WNK1: variants seen among roughly 807,000 people sequenced by gnomAD.
The protein encoded by WNK1 is WNK lysine deficient protein kinase 1, also known as serine/threonine-protein kinase WNK1.
Under a neutral mutation model 222.8 loss-of-function variants are expected in WNK1, and 38 were observed. The ratio of observed to expected loss-of-function variants is 0.17; its 90% CI spans 0.13 to 0.22. The LOEUF is 0.22. Ranked by LOEUF, WNK1 falls within the 10% of genes least tolerant of loss-of-function variation. The probability of loss-of-function intolerance (pLI) is 1.00; values close to 1 mark genes in which losing one functional copy is unlikely to be tolerated. For missense variants in WNK1, 2,348 were observed against 2,918.4 expected, an observed-to-expected ratio of 0.80 and a Z score of 4.50; for synonymous variants, 1,090 against 1,092.9, an observed-to-expected ratio of 1.00 and a Z score of 0.05.
At chr12:775,615 G>A (rs1009606870) in intron 1 of WNK1, among the ~76,000 whole-genome samples, 4 of 152,140 alleles carry the variant, frequency 2.6e-5, no homozygotes, top group African/African-American at 9.7e-5. Flanking sequence ...GTTCAAGGCT[G>A]CAGTGAGCTA....
At chr12:801,875 T>C (rs1945913339) in intron 1 of WNK1, among the ~76,000 whole-genome samples, 1 of 152,214 alleles carries the variant, frequency 6.6e-6, no homozygotes, top group Admixed American at 6.5e-5. Flanking sequence ...TTTCAATTTG[T>C]ACAATGTGTA....
Position 890,476 on chromosome 12 carries a change from A to G in WNK1, c.5472A>G (p.Thr1824=), listed in dbSNP as rs772616229. The change falls in exon 22 of 28, where the codon ACA becomes ACG. Residue 1824 remains threonine (T), a synonymous_variant. Coordinates refer to ENST00000315939, the MANE Select transcript of WNK1 (RefSeq NM_018979.4). ...AVGPVSMAAP[T]AITEAGTQPQ... is the part of the protein sequence containing the mutation. ...AGCCTGTGTCCATGGCGGCTCCAAC[A>G]GCAATCACAGAAGCAGGAACACAGC... 2 of 1,614,166 alleles carry G rather than the reference A, an allele frequency of 1.2e-6. No individual in the cohort carries two copies. The highest frequency in any genetic ancestry group is 2.2e-5 in the South Asian group (2 of 91,080).
chr12:885,260 G>A lies in WNK1; in HGVS notation c.4456G>A (p.Gly1486Arg). Reference sequence around the variant, plus strand: ...GCAGGCAGCAGGCAGCACTACTGTGGGAGCCACATTAACATCAGTTTCTAC... The same window carrying A: ...GCAGGCAGCAGGCAGCACTACTGTGAGAGCCACATTAACATCAGTTTCTAC... ...SQQAAGSTTV[G>R]ATLTSVSTTT... is the part of the protein sequence containing the mutation. The change falls in exon 19 of 28, where the codon GGA (glycine) becomes AGA (arginine). Residue 1486 changes from glycine to arginine, a missense_variant. Physicochemically the swap from Gly to Arg is moderately radical, Grantham distance 125. Around this residue, in one of 13 missense-constraint regions of WNK1, gnomAD observed 1,144 missense variants for 1,273.6 expected, o/e 0.90. Transcript: ENST00000315939. The A allele has an allele frequency of 6.2e-7, 1 of 1,614,156 alleles. No homozygotes were observed. Among genetic ancestry groups the A allele is most frequent in the South Asian group, 1.1e-5 (1 of 91,086 alleles).
chr12:806,877 G>C (rs753685388), intron 1 of WNK1, among the ~76,000 whole-genome samples: 4 of 152,280 alleles, frequency 2.6e-5, no homozygotes, highest in Non-Finnish European at 5.9e-5. Flanking sequence ...ATATTTTTAT[G>C]TACATGCTCA....
chr12:907,732 A>G, intron 26 of WNK1, 115 bp from the exon 27 acceptor site: 1 of 1,254,418 alleles, frequency 8.0e-7, no homozygotes, highest in Non-Finnish European at 1.2e-6. Context: ...ATGGCTTCCC[A>G]GTTCATCCTC....
chr12:757,359 C>CG (rs148630280), intron 1 of WNK1, among the ~76,000 whole-genome samples: 81,218 of 125,216 alleles, frequency 0.65, 26,702 homozygotes, highest in East Asian at 0.88. Flanking sequence ...CGGAGTCTTG[C>CG]TCTATCTCCA....
At chr12:790,704 C>A (rs1403423410) in intron 1 of WNK1, among the ~76,000 whole-genome samples, 2 of 152,202 alleles carry the variant, frequency 1.3e-5, no homozygotes, top group African/African-American at 4.8e-5. Context: ...TTTAAAAAGA[C>A]AATCTTTTGA....
chr12:880,584 T>C, intron 11 of WNK1, 137 bp from the exon 12 acceptor site: 2 of 989,922 alleles, frequency 2.0e-6, no homozygotes, highest in Non-Finnish European at 3.1e-6. Context: ...TTATATGCCC[T>C]TTAGATTATT....
intron 1 of WNK1, among the ~76,000 whole-genome samples, chr12:791,225 CCACACACACACACA>C (rs141810227): frequency 1.4e-5 from 2 of 145,188 alleles, no homozygotes; most frequent in Non-Finnish European, 1.5e-5. Flanking sequence ...ATTTCTCTCA[CCACACACACACACA>C]CACACACACA....
chr12:797,282 G>A lies in WNK1; in HGVS notation c.760-16360G>A, dbSNP rs535828813. Reference sequence around the variant, plus strand: ...TTTAAGGCTGTAGCTATAATTGTTGGATGGATATTGTGTTCAATAAAGATT... The same window carrying A: ...TTTAAGGCTGTAGCTATAATTGTTGAATGGATATTGTGTTCAATAAAGATT... On this transcript the variant is annotated intron_variant, in intron 1 of 27. Coordinates refer to ENST00000315939, the MANE Select transcript of WNK1 (RefSeq NM_018979.4). 9.9e-5 allele frequency among the ~76,000 whole-genome samples: 15 copies of A among 152,206 alleles called. No homozygotes were observed. The South Asian group carries it at 2.9e-3, about 29-fold the overall frequency.
rs1024425675 is a variant in WNK1 at position 827,225 on chromosome 12, A to G, written c.1116A>G (p.Ala372=). The G allele has an allele frequency of 6.8e-6, 11 of 1,614,110 alleles. No homozygotes were observed. Among genetic ancestry groups the G allele is most frequent in the Non-Finnish European group, 9.3e-6 (11 of 1,180,040 alleles). Residue 372 remains alanine (A), a synonymous_variant, in exon 3 of 28, where the codon GCA becomes GCG. Transcript: ENST00000315939. This position sits in a 1 kb window ranked among gnomAD's most constrained non-coding sequence, Gnocchi z 4.6. ...TCAAGATTGGAGACCTCGGTCTGGC[A>G]ACCCTGAAGCGGGCTTCTTTTGCCA... ...GSVKIGDLGL[A]TLKRASFAKS...
intron 4 of WNK1, among the ~76,000 whole-genome samples, chr12:840,446 T>A (rs112368740): frequency 6.6e-6 from 1 of 152,044 alleles, no homozygotes; most frequent in Non-Finnish European, 1.5e-5. Flanking sequence ...TTATATTTTT[T>A]AATGTTTGGG....
At chr12:777,023 T>G (rs1272308338) in intron 1 of WNK1, among the ~76,000 whole-genome samples, 1 of 152,192 alleles carries the variant, frequency 6.6e-6, no homozygotes, top group Non-Finnish European at 1.5e-5. Context: ...ATTGTTACTA[T>G]TCTGTGATTT....
At chr12:765,904 A>C (rs1251821556) in intron 1 of WNK1, among the ~76,000 whole-genome samples, 2 of 152,242 alleles carry the variant, frequency 1.3e-5, no homozygotes, top group South Asian at 2.1e-4. Context: ...TCTATTAATA[A>C]AGAAAAAATA....
chr12:858,755 T>C (rs1290705911), intron 5 of WNK1, among the ~76,000 whole-genome samples: 1 of 152,146 alleles, frequency 6.6e-6, no homozygotes, highest in African/African-American at 2.4e-5. Flanking sequence ...GGCCTCCATT[T>C]CCTAATAATC....
At position 827,374 on chromosome 12, in the gene WNK1, T is replaced by C; in HGVS notation, c.1153+112T>C. 3 of 933,760 alleles carry C rather than the reference T, an allele frequency of 3.2e-6. No homozygotes were observed. The South Asian group carries it at 4.1e-5, about 13-fold the overall frequency. 57.8% of individuals were successfully genotyped at this position (933,760 alleles called of 1,614,324 possible). On this transcript the variant is annotated intron_variant, in intron 3 of 27. Coordinates refer to ENST00000315939, the MANE Select transcript of WNK1 (RefSeq NM_018979.4). The surrounding 1 kb of genome is among the most constrained non-coding windows in gnomAD (Gnocchi z 4.6). ...TATAAACCTTAAGAAATTCATAGCT[T>C]GAACTCAGGAGGTGATCCATTGTAC...
intron 1 of WNK1, among the ~76,000 whole-genome samples, chr12:802,544 A>G (rs1447502654): frequency 6.6e-6 from 1 of 152,142 alleles, no homozygotes; most frequent in East Asian, 1.9e-4. Flanking sequence ...ACTTTGACTT[A>G]TTGTTGAAGC....
chr12:903,937 GT>G (rs1202490582), intron 26 of WNK1, among the ~76,000 whole-genome samples: 4 of 152,180 alleles, frequency 2.6e-5, no homozygotes, highest in Admixed American at 6.5e-5. Context: ...AAGGGAAGGG[GT>G]TAGTATATAT....
intron 1 of WNK1, among the ~76,000 whole-genome samples, chr12:779,500 G>A (rs1209227908): frequency 1.3e-5 from 2 of 151,068 alleles, no homozygotes; most frequent in East Asian, 3.9e-4. Flanking sequence ...TGCCTCCTGA[G>A]TTCAAGTGAT....
Sources: allele counts gnomAD v4.1 joint callset (sites outside exome capture counted in the v4.1 genomes callset), GRCh38; gene constraint gnomAD v4.1.1; regional missense constraint gnomAD v4.1.1; non-coding constraint Gnocchi (gnomAD v3.1); transcripts MANE v1.5; gene names NCBI Gene and HGNC (gene_info 2026-07-23, HGNC 2026-07-21).